The following GRID2 variants were observed in gnomAD, a reference collection of about 807,000 sequenced individuals.
GRID2 encodes the protein glutamate receptor ionotropic, delta-2.
Under a neutral mutation model 114.8 loss-of-function variants are expected in GRID2, and 33 were observed. That is an observed-to-expected ratio of 0.29 (90% confidence interval 0.22 to 0.38). The LOEUF is 0.38. Ranked by LOEUF, GRID2 falls within the 10% of genes least tolerant of loss-of-function variation. The pLI, the probability that GRID2 is intolerant of heterozygous loss-of-function variation, is 1.00. For missense variants in GRID2, 1,184 were observed against 1,257.7 expected (o/e 0.94, Z 0.89); for synonymous variants, 505 against 449.9 (o/e 1.12, Z -1.55).
intron 2 of GRID2, among the ~76,000 whole-genome samples, chr4:92,876,360 A>T (rs937306242): frequency 6.6e-6 from 1 of 151,476 alleles, no homozygotes; most frequent in Non-Finnish European, 1.5e-5. Context: ...GTGCAGTGGC[A>T]CCATCTCGGC....
chr4:92,783,250 T>C (rs1176183748), intron 2 of GRID2, among the ~76,000 whole-genome samples: 1 of 152,046 alleles, frequency 6.6e-6, no homozygotes, highest in African/African-American at 2.4e-5. Flanking sequence ...GCTTCTTTTA[T>C]AGAATTAGGG....
At chr4:93,086,453 A>C (rs540702433) in intron 3 of GRID2, among the ~76,000 whole-genome samples, 1 of 152,318 alleles carries the variant, frequency 6.6e-6, no homozygotes, top group South Asian at 2.1e-4. Flanking sequence ...TCAACAAATA[A>C]GAAAGAGCTC....
At chr4:92,386,497 T>C (rs765922630) in intron 1 of GRID2, among the ~76,000 whole-genome samples, 1 of 151,848 alleles carries the variant, frequency 6.6e-6, no homozygotes, top group Non-Finnish European at 1.5e-5. Flanking sequence ...AAATAGTAAT[T>C]AATTTTAATA....
At chr4:92,386,586 A>C (rs1729971625) in intron 1 of GRID2, among the ~76,000 whole-genome samples, 1 of 151,860 alleles carries the variant, frequency 6.6e-6, no homozygotes, top group South Asian at 2.1e-4. Flanking sequence ...TAACATCAAA[A>C]AATATGAAAA....
At chr4:93,016,054 TGTGTGTGA>T (rs1176601281) in intron 2 of GRID2, among the ~76,000 whole-genome samples, 1 of 110,988 alleles carries the variant, frequency 9.0e-6, no homozygotes, top group Non-Finnish European at 1.9e-5. Context: ...GGGGGAAGTG[TGTGTGTGA>T]GTGTGTGTGT....
intron 10 of GRID2, among the ~76,000 whole-genome samples, chr4:93,439,627 A>G (rs1250949681): frequency 6.6e-6 from 1 of 152,112 alleles, no homozygotes; most frequent in African/African-American, 2.4e-5. Context: ...TAATAGGAAG[A>G]TCATGCACAG....
intron 2 of GRID2, among the ~76,000 whole-genome samples, chr4:92,829,391 C>T (rs770743331): frequency 6.6e-6 from 1 of 152,074 alleles, no homozygotes; most frequent in Non-Finnish European, 1.5e-5. Flanking sequence ...AACAGGATAC[C>T]ATCTCATGCC....
intron 14 of GRID2, among the ~76,000 whole-genome samples, chr4:93,631,276 T>A (rs555606911): frequency 6.6e-6 from 1 of 152,246 alleles, no homozygotes; most frequent in Non-Finnish European, 1.5e-5. Context: ...TGCAGGTTTG[T>A]TACATATGTA....
intron 2 of GRID2, among the ~76,000 whole-genome samples, chr4:92,731,641 A>G (rs1340291887): frequency 6.6e-6 from 1 of 151,956 alleles, no homozygotes; most frequent in Non-Finnish European, 1.5e-5. Context: ...TTAAATGTGA[A>G]TAATTAAAGA....
chr4:93,165,031 G>T (rs998517263), intron 4 of GRID2, among the ~76,000 whole-genome samples: 3 of 152,036 alleles, frequency 2.0e-5, no homozygotes, highest in Non-Finnish European at 4.4e-5. Flanking sequence ...TTCTCTGAAG[G>T]CTGCATTCTC....
At chr4:92,912,706 T>C in intron 2 of GRID2, among the ~76,000 whole-genome samples, 1 of 151,862 alleles carries the variant, frequency 6.6e-6, no homozygotes, top group East Asian at 1.9e-4. Flanking sequence ...TATTATTTAA[T>C]TGTAGAGGCA....
intron 8 of GRID2, among the ~76,000 whole-genome samples, chr4:93,370,470 C>A (rs984961211): frequency 2.7e-5 from 4 of 147,796 alleles, no homozygotes; most frequent in Non-Finnish European, 4.5e-5. Context: ...CAAACACGCA[C>A]ACAGAGACAC....
At chr4:92,504,786 A>G (rs567699288) in intron 1 of GRID2, among the ~76,000 whole-genome samples, 66 of 152,076 alleles carry the variant, frequency 4.3e-4, no homozygotes, top group Non-Finnish European at 6.6e-4. Flanking sequence ...TACCTTTTCT[A>G]TCTTGCTTTT....
chr4:93,111,018 A>G, intron 4 of GRID2, 65 bp downstream of exon 4: 1 of 987,538 alleles, frequency 1.0e-6, no homozygotes. Context: ...AATAGACCCT[A>G]CAGAGGAGAT....
chr4:92,688,037 C>CCTT lies in GRID2; in HGVS notation c.244+97751_244+97752insCTT, dbSNP rs1553916864. Among the ~76,000 whole-genome samples, 103 of 44,662 alleles carry CCTT rather than the reference C, an allele frequency of 2.3e-3. 4 individuals carry two copies. The highest frequency in any genetic ancestry group is 4.8e-3 in the East Asian group (9 of 1,888). 29.3% of individuals were successfully genotyped at this position (44,662 alleles called of 152,430 possible). A position where few individuals can be genotyped will look rare whatever the true frequency, so the allele number is the denominator to read the frequency against. On this transcript the variant is annotated intron_variant, in intron 2 of 15. Coordinates refer to ENST00000282020, the MANE Select transcript of GRID2 (RefSeq NM_001510.4). ...GCCACATTGGTTGACCCTTCTTCTT[C>CCTT]TTTTTTTTTTTTTTTTTTTTTTTTT...
At chr4:93,534,207 C>A (rs1180495986) in intron 13 of GRID2, among the ~76,000 whole-genome samples, 1 of 152,172 alleles carries the variant, frequency 6.6e-6, no homozygotes, top group African/African-American at 2.4e-5. Flanking sequence ...TCCTACACTT[C>A]TTTCCTGCTT....
chr4:92,726,796 C>T (rs772177214), intron 2 of GRID2, among the ~76,000 whole-genome samples: 6 of 152,074 alleles, frequency 3.9e-5, no homozygotes, highest in South Asian at 2.1e-4. Flanking sequence ...AACATTGGTT[C>T]GGCTCCAGCG....
At chr4:92,955,348 G>T (rs1401977205) in intron 2 of GRID2, among the ~76,000 whole-genome samples, 7 of 152,080 alleles carry the variant, frequency 4.6e-5, no homozygotes, top group Non-Finnish European at 5.9e-5. Context: ...GATTTGATTT[G>T]CATTTCTCTG....
At chr4:92,940,357 GCT>G (rs1475454104) in intron 2 of GRID2, among the ~76,000 whole-genome samples, 1 of 143,632 alleles carries the variant, frequency 7.0e-6, no homozygotes, top group Non-Finnish European at 1.5e-5. Flanking sequence ...TCATAATTTG[GCT>G]CTCTGTTTGT....
Sources: gnomAD v4.1 joint callset for allele counts (sites outside exome capture counted in the v4.1 genomes callset) on GRCh38, gnomAD v4.1.1 for gene constraint, MANE v1.5 for transcripts, NCBI Gene and HGNC (gene_info 2026-07-23, HGNC 2026-07-21) for gene names.